The following DOCK7 variants were observed in gnomAD, a reference collection of about 807,000 sequenced individuals.
The protein encoded by DOCK7 is dedicator of cytokinesis 7.
DOCK7 carries 138 observed loss-of-function variants against 271.0 expected under a neutral mutation model. That is an observed-to-expected ratio of 0.51 (90% confidence interval 0.44 to 0.59). DOCK7 has a LOEUF of 0.59. DOCK7 is among the 20% of genes least tolerant of loss of function. The pLI is 0.00. For synonymous variants in DOCK7, 823 were observed against 876.1 expected, an observed-to-expected ratio of 0.94 and a Z score of 1.07; for missense variants, 2,066 against 2,592.4, an observed-to-expected ratio of 0.80 and a Z score of 4.41.
At chr1:62,557,344 C>T (rs1183334991) in intron 20 of DOCK7, among the ~76,000 whole-genome samples, 1 of 151,420 alleles carries the variant, frequency 6.6e-6, no homozygotes, top group Non-Finnish European at 1.5e-5. Flanking sequence ...ATTAATTAAC[C>T]TCTTTTCTCC....
At chr1:62,532,382 A>G (rs1462389899) in intron 29 of DOCK7, among the ~76,000 whole-genome samples, 2 of 152,138 alleles carry the variant, frequency 1.3e-5, no homozygotes, top group African/African-American at 4.8e-5. Flanking sequence ...TCTGTCACCC[A>G]GGCTGGAATA....
At position 62,598,159 on chromosome 1, in the gene DOCK7, T is replaced by C. The variant is rs17123725; in HGVS notation, c.1683-11535A>G. Reference sequence around the variant, plus strand: ...ATGCCATTTGAAATACTTTGTTGCATTGTTGAAATACTTTTTTTTCCAAGA... The same window carrying C: ...ATGCCATTTGAAATACTTTGTTGCACTGTTGAAATACTTTTTTTTCCAAGA... On this transcript the variant is annotated intron_variant, in intron 14 of 49. Coordinates refer to ENST00000635253, the MANE Select transcript of DOCK7 (RefSeq NM_001367561.1). The C allele has an allele frequency of 0.012, 13,569 of 1,127,962 alleles. 565 individuals carry two copies. The highest frequency in any genetic ancestry group is 0.11 in the African/African-American group (6,700 of 61,676). 69.9% of individuals were successfully genotyped at this position (1,127,962 alleles called of 1,614,324 possible). A position where few individuals can be genotyped will look rare whatever the true frequency, so the allele number is the denominator to read the frequency against.
chr1:62,513,707 A>T lies in DOCK7; in HGVS notation c.4119+9T>A. ...TCTTGTTCTTTGCAATGGTACAATGACCACTTACTTTATACTCAAAGCAAG... is the reference window on the plus strand; with the variant it reads ...TCTTGTTCTTTGCAATGGTACAATGTCCACTTACTTTATACTCAAAGCAAG... On this transcript the variant is annotated intron_variant, in intron 32 of 49. Coordinates refer to ENST00000635253, the MANE Select transcript of DOCK7 (RefSeq NM_001367561.1). The T allele has an allele frequency of 6.2e-7, 1 of 1,612,896 alleles. No individual in the cohort carries two copies. The highest frequency in any genetic ancestry group is 1.1e-5 in the South Asian group (1 of 90,756).
At position 62,597,454 on chromosome 1, in the gene DOCK7, T is replaced by C. The variant is rs1157785320; in HGVS notation, c.1683-10830A>G. On this transcript the variant is annotated intron_variant, in intron 14 of 49. Coordinates refer to ENST00000635253, the MANE Select transcript of DOCK7 (RefSeq NM_001367561.1). ...GGCTTAATGATTAACTATGTTCACC[T>C]ACCAACCTTACCTTTTCTGGGCAAA... is the stretch of plus-strand genomic sequence containing the variant. 52 of 1,174,344 alleles carry C rather than the reference T, an allele frequency of 4.4e-5. No homozygotes were observed. The East Asian group carries it at 1.3e-3, about 29-fold the overall frequency. 72.7% of individuals were successfully genotyped at this position (1,174,344 alleles called of 1,614,324 possible).
chr1:62,468,254 A>C (rs1303861233), intron 48 of DOCK7, among the ~76,000 whole-genome samples: 1 of 151,368 alleles, frequency 6.6e-6, no homozygotes, highest in African/African-American at 2.4e-5. Context: ...CCAGCAACTC[A>C]GGAAACTGAG....
intron 18 of DOCK7, among the ~76,000 whole-genome samples, chr1:62,563,863 C>CAAAAAAAAA (rs71045848): frequency 2.6e-5 from 1 of 38,842 alleles, no homozygotes; most frequent in African/African-American, 1.0e-4. Flanking sequence ...ATTTACCAAG[C>CAAAAAAAAA]AAAAAAAAAA....
intron 7 of DOCK7, among the ~76,000 whole-genome samples, chr1:62,646,236 A>C (rs1164587048): frequency 6.6e-6 from 1 of 152,178 alleles, no homozygotes; most frequent in Non-Finnish European, 1.5e-5. Flanking sequence ...CTGTATGAAG[A>C]AACCAGACAC....
chr1:62,573,976 A>C (rs1646865735), intron 18 of DOCK7, among the ~76,000 whole-genome samples: 1 of 152,120 alleles, frequency 6.6e-6, no homozygotes, highest in Non-Finnish European at 1.5e-5. Context: ...AGTTACAAGG[A>C]AGAAGAGTAT....
At chr1:62,682,333 A>T (rs868749906) in intron 1 of DOCK7, among the ~76,000 whole-genome samples, 12 of 152,228 alleles carry the variant, frequency 7.9e-5, no homozygotes, top group Admixed American at 5.9e-4. Flanking sequence ...GGACTAGATC[A>T]GCTAGTAGCT....
chr1:62,503,327 T>C (rs1646840327), intron 37 of DOCK7, among the ~76,000 whole-genome samples: 1 of 151,512 alleles, frequency 6.6e-6, no homozygotes, highest in Non-Finnish European at 1.5e-5. Flanking sequence ...AGAACACTCA[T>C]AAAAATGGAT....
chr1:62,659,909 A>G (rs1658470074), intron 2 of DOCK7, among the ~76,000 whole-genome samples: 1 of 152,216 alleles, frequency 6.6e-6, no homozygotes, highest in Non-Finnish European at 1.5e-5. Flanking sequence ...TATGTACTAA[A>G]TAACAGAGCT....
chr1:62,474,266 C>T (rs942305246), intron 47 of DOCK7, among the ~76,000 whole-genome samples, 178 bp from the exon 48 acceptor site: 7 of 152,296 alleles, frequency 4.6e-5, no homozygotes, highest in East Asian at 3.9e-4. Flanking sequence ...TTTCATTCTA[C>T]ATTCTTATCT....
At chr1:62,531,358 C>G (rs1332055314) in intron 29 of DOCK7, among the ~76,000 whole-genome samples, 2 of 152,160 alleles carry the variant, frequency 1.3e-5, no homozygotes, top group African/African-American at 4.8e-5. Context: ...TATATTAATA[C>G]AAGATCTGTA....
At chr1:62,605,562 A>T (rs937423462) in intron 14 of DOCK7, 1 of 152,460 alleles carries the variant, frequency 6.6e-6, no homozygotes, top group Non-Finnish European at 1.5e-5. Flanking sequence ...TAATACTATG[A>T]AAACAAATAA....
At chr1:62,557,744 T>C (rs1571537351) in intron 20 of DOCK7, among the ~76,000 whole-genome samples, 1 of 151,592 alleles carries the variant, frequency 6.6e-6, no homozygotes, top group Non-Finnish European at 1.5e-5. Flanking sequence ...TTATTACTAT[T>C]ATTTTACTTA....
intron 23 of DOCK7, among the ~76,000 whole-genome samples, chr1:62,544,709 A>G (rs1265888167): frequency 6.6e-6 from 1 of 152,232 alleles, no homozygotes; most frequent in East Asian, 1.9e-4. Flanking sequence ...GCACTGAAAT[A>G]TTGATAGGGT....
chr1:62,518,353 C>T (rs372569858), intron 31 of DOCK7, among the ~76,000 whole-genome samples: 6 of 152,098 alleles, frequency 3.9e-5, no homozygotes, highest in Admixed American at 1.3e-4. Context: ...GGGTGGATCA[C>T]GAGGTCAGGA....
intron 11 of DOCK7, chr1:62,628,739 T>C (rs2149613589): frequency 6.6e-6 from 1 of 152,200 alleles, no homozygotes; most frequent in Admixed American, 6.5e-5. Context: ...AACAATACCA[T>C]CAAGAAAAGT....
intron 15 of DOCK7, 94 bp from the exon 16 acceptor site, chr1:62,583,348 A>AG: frequency 8.3e-7 from 1 of 1,209,176 alleles, no homozygotes; most frequent in Non-Finnish European, 1.2e-6. Flanking sequence ...TAACTATTTG[A>AG]GAAAAATGGG....
Sources: gnomAD v4.1 joint callset for allele counts (sites outside exome capture counted in the v4.1 genomes callset) on GRCh38, gnomAD v4.1.1 for gene constraint, MANE v1.5 for transcripts, NCBI Gene and HGNC (gene_info 2026-07-23, HGNC 2026-07-21) for gene names.